TLN1: variants seen among roughly 807,000 people sequenced by gnomAD.
TLN1 encodes talin 1, also known as talin-1.
A neutral mutation model predicts 292.3 loss-of-function variants in TLN1; 56 were observed. That is an observed-to-expected ratio of 0.19 (90% CI 0.15 to 0.24). The LOEUF (loss-of-function observed/expected upper bound fraction) is 0.24, where lower values mean the gene tolerates loss of function less well. TLN1 is among the 10% of genes least tolerant of loss of function. TLN1 has a pLI of 1.00. For synonymous variants in TLN1, 1,119 were observed against 1,253.7 expected (o/e 0.89, Z 2.27); for missense variants, 2,433 against 3,248.2 (o/e 0.75, Z 6.10).
In TLN1 at chr9:35,705,571, C is replaced by G. The variant is rs780568851; in HGVS notation, c.5713G>C (p.Val1905Leu). Reference protein sequence around the residue: ...RLASEAKPAAVAAENEEIGSH... With the variant: ...RLASEAKPAALAAENEEIGSH... ...TTTACCTCTTCATTTTCAGCAGCCA[C>G]CGCTGCAGGCTTGGCCTCCGAGGCC... Residue 1905 changes from valine (V) to leucine (L), a missense_variant, in exon 43 of 57, where the codon GTG (valine) becomes CTG (leucine). By Grantham distance (32) the Val-to-Leu change is conservative (BLOSUM62 1). Transcript: ENST00000314888. 3.1e-6 allele frequency: 5 copies of G among 1,597,420 alleles called. No individual in the cohort carries two copies. The Admixed American group carries it at 8.6e-5, about 27-fold the overall frequency.
chr9:35,716,657 G>A, intron 19 of TLN1, 101 bp from the exon 20 acceptor site: 1 of 1,275,976 alleles, frequency 7.8e-7, no homozygotes, highest in Non-Finnish European at 1.1e-6. Context: ...GGTAGATGGG[G>A]GCTTTAGGGA....
intron 25 of TLN1, 114 bp from the exon 26 acceptor site, chr9:35,713,412 G>A (rs924309345): frequency 6.4e-5 from 50 of 781,602 alleles, no homozygotes; most frequent in Non-Finnish European, 9.1e-5. Flanking sequence ...GGCTGGGTGC[G>A]ATGGCTCCCA....
At position 35,704,568 on chromosome 9, in the gene TLN1, G is replaced by C; in HGVS notation, c.5881-70C>G. The stretch of plus-strand genomic sequence containing the variant: ...AAATGGAAAGGTTGCCCATGCCTGG[G>C]AGAAGTGACAACAGGAGAGGGCTGA... On this transcript the variant is annotated intron_variant, in intron 44 of 56. Coordinates refer to ENST00000314888, the MANE Select transcript of TLN1 (RefSeq NM_006289.4). The surrounding 1 kb of genome is among the most constrained non-coding windows in gnomAD (Gnocchi z 6.9). The C allele has an allele frequency of 6.3e-7, 1 of 1,584,814 alleles. No homozygotes were observed.
rs1825397381 is a variant in TLN1 at position 35,698,047 on chromosome 9, G to C, written c.7497C>G (p.Ala2499=). 1.2e-6 allele frequency: 2 copies of C among 1,614,150 alleles called. No homozygotes were observed. Among genetic ancestry groups the C allele is most frequent in the Non-Finnish European group, 1.7e-6 (2 of 1,180,018 alleles). The change falls in exon 56 of 57, where the codon GCC becomes GCG. Residue 2499 remains alanine (A), a synonymous_variant. Coordinates refer to ENST00000314888, the MANE Select transcript of TLN1 (RefSeq NM_006289.4). The surrounding 1 kb of genome is among the most constrained non-coding windows in gnomAD (Gnocchi z 5.3). ...VVKEKMVGGI[A]QIIAAQEEML... is the part of the protein sequence containing the mutation. ...CAGCATCTGGGGTGAAGCTCACCTG[G>C]GCAATGCCGCCAACCATCTTCTCTT...
chr9:35,709,968 T>C (rs1185740547), intron 33 of TLN1, among the ~76,000 whole-genome samples: 1 of 142,946 alleles, frequency 7.0e-6, no homozygotes, highest in African/African-American at 2.6e-5. Context: ...ATTCCAGCAC[T>C]TTGGGAGGCC....
intron 20 of TLN1, among the ~76,000 whole-genome samples, chr9:35,715,462 G>A (rs1825760411): frequency 6.6e-6 from 1 of 152,228 alleles, no homozygotes; most frequent in African/African-American, 2.4e-5. Context: ...ACACGAGTGA[G>A]GTGAGTAGGG....
Position 35,719,472 on chromosome 9 carries a change from G to A in TLN1, c.1687+47C>T. The A allele has an allele frequency of 6.5e-7, 1 of 1,541,952 alleles. No individual in the cohort carries two copies. The highest frequency in any genetic ancestry group is 9.0e-7 in the Non-Finnish European group (1 of 1,115,400). On this transcript the variant is annotated intron_variant, in intron 15 of 56. Transcript: ENST00000314888. This position sits in a 1 kb window ranked among gnomAD's most constrained non-coding sequence, Gnocchi z 4.6. ...GTCACATGCATGCCTGTGCACACTTGCACCCCCTCTCCCCATCACACACCC... is the reference window on the plus strand; with the variant it reads ...GTCACATGCATGCCTGTGCACACTTACACCCCCTCTCCCCATCACACACCC...
chr9:35,710,222 CAAAAAAAA>C (rs68036045), intron 33 of TLN1, among the ~76,000 whole-genome samples: 1 of 67,296 alleles, frequency 1.5e-5, no homozygotes, highest in East Asian at 3.9e-4. Context: ...AACGCTGTCT[CAAAAAAAA>C]AAAAAAAAAA....
chr9:35,723,891 C>A, intron 7 of TLN1, 61 bp downstream of exon 7: 1 of 1,600,040 alleles, frequency 6.2e-7, no homozygotes, highest in South Asian at 1.1e-5. Context: ...GACAGGCCCA[C>A]TGGGGTCACA....
At chr9:35,703,115 A>G (rs1272448114) in intron 48 of TLN1, among the ~76,000 whole-genome samples, 2 of 152,148 alleles carry the variant, frequency 1.3e-5, no homozygotes, top group African/African-American at 4.8e-5. Flanking sequence ...AGCCTGGTCA[A>G]CATGGTGAAA....
Position 35,719,320 on chromosome 9 carries a change from G to A in TLN1, c.1688-38C>T, listed in dbSNP as rs1235292310. 1 of 1,593,544 alleles carries A rather than the reference G, an allele frequency of 6.3e-7. No homozygotes were observed. The highest frequency in any genetic ancestry group is 8.6e-7 in the Non-Finnish European group (1 of 1,165,684). ...GGAGAAAGAGGAACATGAGAGACAG[G>A]GCAGGCCAGACGAAGGGCTGGGGAG... is the stretch of plus-strand genomic sequence containing the variant. On this transcript the variant is annotated intron_variant, in intron 15 of 56. Transcript: ENST00000314888. The surrounding 1 kb of genome is among the most constrained non-coding windows in gnomAD (Gnocchi z 4.6).
Position 35,713,005 on chromosome 9 carries a change from G to A in TLN1, c.3391C>T (p.Leu1131=). ...GCGACTCCCCTAGCGGCCTGGGCCA[G>A]TGACCGCAGCCCACCTGCCACATCC... is the stretch of plus-strand genomic sequence containing the variant. ...ARDVAGGLRS[L]AQAARGVAAL... is the part of the protein sequence containing the mutation. Residue 1131 remains leucine (L), a synonymous_variant, in exon 27 of 57, where the codon CTG becomes TTG. Transcript: ENST00000314888. 2.5e-6 allele frequency: 4 copies of A among 1,608,814 alleles called. No homozygotes were observed. The highest frequency in any genetic ancestry group is 3.4e-6 in the Non-Finnish European group (4 of 1,178,514).
Position 35,719,428 on chromosome 9 carries a change from A to T in TLN1, c.1687+91T>A. On this transcript the variant is annotated intron_variant, in intron 15 of 56. Coordinates refer to ENST00000314888, the MANE Select transcript of TLN1 (RefSeq NM_006289.4). This position sits in a 1 kb window ranked among gnomAD's most constrained non-coding sequence, Gnocchi z 4.6. Reference sequence around the variant, plus strand: ...AGTCCCTTCCACAGTGAGTCAAGGCACAGTCACACATGAAGCCAGTCACAT... The same window carrying T: ...AGTCCCTTCCACAGTGAGTCAAGGCTCAGTCACACATGAAGCCAGTCACAT... The T allele has an allele frequency of 1.5e-6, 2 of 1,368,210 alleles. No homozygotes were observed. The highest frequency in any genetic ancestry group is 2.3e-4 in the Middle Eastern group (1 of 4,416). 84.8% of individuals were successfully genotyped at this position (1,368,210 alleles called of 1,614,324 possible). A position where few individuals can be genotyped will look rare whatever the true frequency, so the allele number is the denominator to read the frequency against.
chr9:35,708,104 A>C lies in TLN1; in HGVS notation c.4471-212T>G. 5 of 717,394 alleles carry C rather than the reference A, an allele frequency of 7.0e-6. No individual in the cohort carries two copies. The East Asian group carries it at 1.4e-4, about 20-fold the overall frequency. The allele number at this position is 717,394 out of a possible 1,614,324, so 44.4% of individuals were successfully genotyped here. On this transcript the variant is annotated intron_variant, in intron 34 of 56. Coordinates refer to ENST00000314888, the MANE Select transcript of TLN1 (RefSeq NM_006289.4). The stretch of plus-strand genomic sequence containing the variant: ...GGAAAGACATACTAATGGAGAAACC[A>C]TAAGAGGGCATGTGGGAGAGTAAGC...
In TLN1 at chr9:35,717,599, G is replaced by C. The variant is rs750281175; in HGVS notation, c.2163+20C>G. 2.4e-5 allele frequency: 39 copies of C among 1,600,200 alleles called. No homozygotes were observed. Among genetic ancestry groups the C allele is most frequent in the Admixed American group, 1.7e-4 (10 of 59,666 alleles). On this transcript the variant is annotated intron_variant, in intron 18 of 56. Coordinates refer to ENST00000314888, the MANE Select transcript of TLN1 (RefSeq NM_006289.4). This position sits in a 1 kb window ranked among gnomAD's most constrained non-coding sequence, Gnocchi z 4.7. ...TAGTATTACCCCTCAGCACGGACTAGAGCAACCTTTGGGGCTCACCTTAGT... is the reference window on the plus strand; with the variant it reads ...TAGTATTACCCCTCAGCACGGACTACAGCAACCTTTGGGGCTCACCTTAGT...
rs758096909 is a variant in TLN1 at position 35,724,242 on chromosome 9, G to T, written c.604C>A (p.Gln202Lys). The T allele has an allele frequency of 1.2e-6, 2 of 1,614,098 alleles. No homozygotes were observed. The highest frequency in any genetic ancestry group is 8.5e-7 in the Non-Finnish European group (1 of 1,180,024). ...LLRRKFFYSD[Q>K]NVDSRDPVQL... is the part of the protein sequence containing the mutation. ...ACAGGGTCCCGGGAATCCACATTCT[G>T]GTCTGAGTAAAAGAACTTCCTCCGC... Residue 202 changes from glutamine to lysine, a missense_variant, in exon 6 of 57, where the codon CAG becomes AAG. This residue lies in a region of TLN1 where 155 missense variants were observed against 287.9 expected (regional missense o/e 0.54). Transcript: ENST00000314888. The surrounding 1 kb of genome is among the most constrained non-coding windows in gnomAD (Gnocchi z 4.7).
Position 35,719,216 on chromosome 9 carries a change from G to T in TLN1, c.1754C>A (p.Thr585Lys), listed in dbSNP as rs200664793. ...CAGCTTCACCCCACGGGACATCTCC[G>T]TCAGGTTGGAGGAGATTGTGGTGAC... ...CAVTTISSNL[T>K]EMSRGVKLLA... The change falls in exon 16 of 57, where the codon ACG (threonine) becomes AAG (lysine). Residue 585 changes from threonine to lysine, a missense_variant. Transcript: ENST00000314888. The surrounding 1 kb of genome is among the most constrained non-coding windows in gnomAD (Gnocchi z 4.6). The T allele has an allele frequency of 6.2e-7, 1 of 1,614,222 alleles. No homozygotes were observed. Among genetic ancestry groups the T allele is most frequent in the East Asian group, 2.2e-5 (1 of 44,890 alleles).
chr9:35,714,148 C>T lies in TLN1; in HGVS notation c.3121-67G>A. ...TGTCTCACCAATGCCTCTGATTACA[C>T]AATTATCTGCGTATTGGGTTATTCT... On this transcript the variant is annotated intron_variant, in intron 24 of 56. Transcript: ENST00000314888. This position sits in a 1 kb window ranked among gnomAD's most constrained non-coding sequence, Gnocchi z 4.6. 2 of 1,604,602 alleles carry T rather than the reference C, an allele frequency of 1.2e-6. No homozygotes were observed. Among genetic ancestry groups the T allele is most frequent in the Non-Finnish European group, 1.7e-6 (2 of 1,172,726 alleles).
At chr9:35,720,322 G>A in intron 12 of TLN1, 103 bp from the exon 13 acceptor site, 1 of 1,535,244 alleles carries the variant, frequency 6.5e-7, no homozygotes, top group East Asian at 2.3e-5. Context: ...ACTACAGCCT[G>A]CAACTAGTTA....
Sources: allele counts gnomAD v4.1 joint callset (sites outside exome capture counted in the v4.1 genomes callset), GRCh38; gene constraint gnomAD v4.1.1; regional missense constraint gnomAD v4.1.1; non-coding constraint Gnocchi (gnomAD v3.1); transcripts MANE v1.5; gene names NCBI Gene and HGNC (gene_info 2026-07-23, HGNC 2026-07-21).